Variants in PDE11A observed in about 807,000 individuals in gnomAD.
PDE11A encodes the protein phosphodiesterase 11A.
Under a neutral mutation model 100.5 loss-of-function variants are expected in PDE11A, and 100 were observed. The ratio of observed to expected loss-of-function variants is 1.00; its 90% CI spans 0.85 to 1.18. PDE11A has a LOEUF of 1.18. PDE11A is among the 50% of genes most tolerant of loss of function. PDE11A has a pLI of 0.00. For missense variants in PDE11A, 1,141 were observed against 1,152.6 expected (o/e 0.99, Z 0.15); for synonymous variants, 381 against 420.8 (o/e 0.91, Z 1.16).
At chr2:177,932,475 T>C (rs1001990886) in intron 2 of PDE11A, among the ~76,000 whole-genome samples, 8 of 152,186 alleles carry the variant, frequency 5.3e-5, no homozygotes, top group African/African-American at 9.7e-5. Flanking sequence ...CATAATCAAG[T>C]AGGCTTTATT....
At chr2:177,802,061 CA>C (rs1166465789) in intron 9 of PDE11A, among the ~76,000 whole-genome samples, 1 of 151,926 alleles carries the variant, frequency 6.6e-6, no homozygotes, top group Non-Finnish European at 1.5e-5. Flanking sequence ...AAAAATTGGA[CA>C]GCTCACAAAA....
intron 2 of PDE11A, among the ~76,000 whole-genome samples, chr2:177,931,470 A>C (rs71423518): frequency 0.086 from 13,154 of 152,244 alleles, 541 homozygotes; most frequent in South Asian, 0.099. Flanking sequence ...ACAGTGGAAT[A>C]AAAATAGAAA....
chr2:177,739,690 G>GTGTC (rs2081844658), intron 10 of PDE11A, among the ~76,000 whole-genome samples: 1 of 152,216 alleles, frequency 6.6e-6, no homozygotes, highest in Non-Finnish European at 1.5e-5. Flanking sequence ...ATTCAGTTGA[G>GTGTC]TGTCTTCTTA....
chr2:177,775,935 T>G (rs972881980), intron 9 of PDE11A, among the ~76,000 whole-genome samples: 2 of 152,192 alleles, frequency 1.3e-5, no homozygotes, highest in Non-Finnish European at 2.9e-5. Context: ...TTGGTCTAGT[T>G]TTGGTCATGA....
chr2:177,923,624 G>C (rs1454910250), intron 2 of PDE11A, among the ~76,000 whole-genome samples: 1 of 152,182 alleles, frequency 6.6e-6, no homozygotes, highest in South Asian at 2.1e-4. Context: ...TGAGCTTTGA[G>C]TAGAGCTTTG....
At chr2:177,779,322 T>G (rs889031104) in intron 9 of PDE11A, among the ~76,000 whole-genome samples, 2 of 152,202 alleles carry the variant, frequency 1.3e-5, no homozygotes, top group Non-Finnish European at 2.9e-5. Flanking sequence ...AGTGCGGTGG[T>G]TGCTGAAGCT....
chr2:177,820,923 C>G (rs989518121), intron 6 of PDE11A, among the ~76,000 whole-genome samples: 1 of 151,652 alleles, frequency 6.6e-6, no homozygotes, highest in Non-Finnish European at 1.5e-5. Context: ...GTAACAAACT[C>G]CATTTAATAT....
At chr2:178,004,079 T>C (rs945040306) in intron 2 of PDE11A, among the ~76,000 whole-genome samples, 2 of 152,176 alleles carry the variant, frequency 1.3e-5, no homozygotes, top group Non-Finnish European at 2.9e-5. Flanking sequence ...TGTACTACTT[T>C]ATGCAAACTT....
At position 178,072,181 on chromosome 2, in the gene PDE11A, G is replaced by A. The variant is rs2087142778; in HGVS notation, c.257C>T (p.Pro86Leu). 6.2e-7 allele frequency: 1 copy of A among 1,613,912 alleles called. No individual in the cohort carries two copies. Among genetic ancestry groups the A allele is most frequent in the East Asian group, 2.2e-5 (1 of 44,864 alleles). ...TGPNGSAHSQPLPGGGDCGGV... is the reference protein window; with the variant it reads ...TGPNGSAHSQLLPGGGDCGGV... Reference sequence around the variant, plus strand: ...ACCACAGTCCCCGCCACCGGGAAGGGGCTGGCTGTGGGCAGAGCCATTTGG... The same window carrying A: ...ACCACAGTCCCCGCCACCGGGAAGGAGCTGGCTGTGGGCAGAGCCATTTGG... Residue 86 changes from proline (P) to leucine (L), a missense_variant, in exon 1 of 20, where the codon CCC becomes CTC. Physicochemically the swap from Pro to Leu is moderately conservative, Grantham distance 98. Coordinates refer to ENST00000286063, the MANE Select transcript of PDE11A (RefSeq NM_016953.4).
At chr2:177,964,780 A>G (rs2085677935) in intron 2 of PDE11A, among the ~76,000 whole-genome samples, 2 of 152,192 alleles carry the variant, frequency 1.3e-5, no homozygotes, top group Non-Finnish European at 2.9e-5. Flanking sequence ...ACTGATGGAC[A>G]TTTAAGTTGA....
chr2:177,853,895 GAT>G (rs1491432035), intron 5 of PDE11A, among the ~76,000 whole-genome samples: 1 of 131,868 alleles, frequency 7.6e-6, no homozygotes, highest in Non-Finnish European at 1.6e-5. Context: ...TATGTGTATA[GAT>G]ATATATGTAT....
intron 2 of PDE11A, among the ~76,000 whole-genome samples, chr2:177,941,123 C>T (rs1315944633): frequency 5.3e-5 from 8 of 152,162 alleles, no homozygotes; most frequent in Admixed American, 2.0e-4. Context: ...AGCTGAAAAC[C>T]GTGCTAGGTG....
At chr2:178,010,230 C>T (rs960854455) in intron 2 of PDE11A, among the ~76,000 whole-genome samples, 12 of 152,318 alleles carry the variant, frequency 7.9e-5, no homozygotes, top group East Asian at 7.7e-4. Flanking sequence ...GACTTTCTAA[C>T]TCCAGAGCCT....
intron 13 of PDE11A, among the ~76,000 whole-genome samples, chr2:177,704,195 G>A (rs902068352): frequency 1.3e-5 from 2 of 152,140 alleles, no homozygotes; most frequent in Non-Finnish European, 2.9e-5. Flanking sequence ...AATAAGACAT[G>A]TTCTGACCTT....
intron 2 of PDE11A, among the ~76,000 whole-genome samples, chr2:178,084,561 C>T (rs6738461): frequency 0.19 from 28,519 of 152,014 alleles, 2,689 homozygotes; most frequent in South Asian, 0.22. Context: ...GCAAGTCTGA[C>T]ATGGGAGCAG....
chr2:177,700,711 ACT>A (rs1206897339), intron 14 of PDE11A, among the ~76,000 whole-genome samples: 1 of 151,930 alleles, frequency 6.6e-6, no homozygotes, highest in Non-Finnish European at 1.5e-5. Context: ...TAACTTTCTC[ACT>A]CTGTTTTTGC....
intron 17 of PDE11A, among the ~76,000 whole-genome samples, chr2:177,670,273 A>G (rs2080657539): frequency 6.6e-6 from 1 of 152,198 alleles, no homozygotes; most frequent in Non-Finnish European, 1.5e-5. Context: ...TACAAGGACA[A>G]TGGGATGCTT....
rs111800043 is a variant in PDE11A, at chr2:177,628,398, T to C, written c.*1009A>G. 0.027 allele frequency: 4,090 copies of C among 152,766 alleles called. 98 individuals carry two copies. The highest frequency in any genetic ancestry group is 0.072 in the South Asian group (346 of 4,828). The allele number at this position is 152,766 out of a possible 1,614,324, so 9.5% of individuals were successfully genotyped here. On this transcript the variant is annotated 3_prime_UTR_variant, in exon 20 of 20. Coordinates refer to ENST00000286063, the MANE Select transcript of PDE11A (RefSeq NM_016953.4). ...ATTGTAAACCTGGCTTCCTATAGAATATGCGTTCTTTGCCCAGACTGTTAT... is the reference window on the plus strand; with the variant it reads ...ATTGTAAACCTGGCTTCCTATAGAACATGCGTTCTTTGCCCAGACTGTTAT...
chr2:178,016,131 A>ATTTTTTTTT lies in PDE11A; in HGVS notation c.913-1680_913-1672dup, dbSNP rs55638601. 3.1e-3 allele frequency among the ~76,000 whole-genome samples: 263 copies of ATTTTTTTTT among 83,614 alleles called. 1 individual carries two copies. The highest frequency in any genetic ancestry group is 0.011 in the Middle Eastern group (1 of 94). 54.9% of individuals were successfully genotyped at this position (83,614 alleles called of 152,430 possible). ...AGATGCAAGCCATCATGCCTGGCTA[A>ATTTTTTTTT]TTTTTTTTTTTTTTTTTTTTTTTTG... On this transcript the variant is annotated intron_variant, in intron 1 of 19. Coordinates refer to ENST00000286063, the MANE Select transcript of PDE11A (RefSeq NM_016953.4).
Sources: gnomAD v4.1 joint callset for allele counts (sites outside exome capture counted in the v4.1 genomes callset) on GRCh38, gnomAD v4.1.1 for gene constraint, MANE v1.5 for transcripts, NCBI Gene and HGNC (gene_info 2026-07-23, HGNC 2026-07-21) for gene names.